The following SEC22A variants were observed in gnomAD, a reference collection of about 807,000 sequenced individuals.
The protein encoded by SEC22A is vesicle-trafficking protein SEC22a.
In SEC22A, 22 loss-of-function variants were observed where a neutral mutation model predicts 35.3. The ratio of observed to expected loss-of-function variants is 0.62; its 90% CI spans 0.45 to 0.89. SEC22A has a LOEUF of 0.89. Ranked by LOEUF, SEC22A falls within the 40% of genes least tolerant of loss-of-function variation. SEC22A has a pLI of 0.00. For missense variants in SEC22A, 354 were observed against 362.5 expected (o/e 0.98, Z 0.19); for synonymous variants, 119 against 129.5 (o/e 0.92, Z 0.55).
At chr3:123,253,210 T>G (rs1937638037) in intron 5 of SEC22A, among the ~76,000 whole-genome samples, 1 of 152,212 alleles carries the variant, frequency 6.6e-6, no homozygotes, top group Non-Finnish European at 1.5e-5. Context: ...TGGGTTATTT[T>G]ACCTTCTTGT....
At chr3:123,240,135 C>T (rs1022783950) in intron 4 of SEC22A, among the ~76,000 whole-genome samples, 6 of 152,184 alleles carry the variant, frequency 3.9e-5, no homozygotes, top group African/African-American at 1.4e-4. Flanking sequence ...AGTTGTTTGC[C>T]ATCACTAGGA....
chr3:123,259,267 G>A (rs558056323), intron 5 of SEC22A, among the ~76,000 whole-genome samples: 3 of 152,062 alleles, frequency 2.0e-5, no homozygotes, highest in African/African-American at 7.3e-5. Flanking sequence ...CTTTTCCCCA[G>A]TGGTTTTCCT....
chr3:123,225,676 TTTA>T (rs1481582414), intron 4 of SEC22A, among the ~76,000 whole-genome samples: 4 of 152,188 alleles, frequency 2.6e-5, no homozygotes, highest in African/African-American at 9.6e-5. Context: ...ACCTCAAGCA[TTTA>T]TTATTTCTTT....
rs141626453 is a variant in SEC22A, at chr3:123,240,493, G to A, written c.542-5406G>A. On this transcript the variant is annotated intron_variant, in intron 4 of 6. Transcript: ENST00000492595. The stretch of plus-strand genomic sequence containing the variant: ...AATTTGTTCCTTTTTATTCCTGAGC[G>A]GTATTCCATTGTATGAATGTACCAC... Among the ~76,000 whole-genome samples the A allele has an allele frequency of 1.2e-4, 18 of 152,236 alleles. No homozygotes were observed. The East Asian group carries it at 2.1e-3, about 18-fold the overall frequency.
At chr3:123,248,995 C>G (rs187839465) in intron 5 of SEC22A, among the ~76,000 whole-genome samples, 30 of 152,294 alleles carry the variant, frequency 2.0e-4, no homozygotes, top group African/African-American at 7.2e-4. Context: ...ATGCTAGTTG[C>G]AAGTTCAGGT....
intron 5 of SEC22A, among the ~76,000 whole-genome samples, chr3:123,258,335 AT>A (rs1315644209): frequency 4.6e-5 from 7 of 152,228 alleles, no homozygotes; most frequent in African/African-American, 1.7e-4. Flanking sequence ...GGTTATATTA[AT>A]TTCTTCTTTG....
intron 5 of SEC22A, among the ~76,000 whole-genome samples, chr3:123,254,630 C>T (rs1201449700): frequency 1.3e-5 from 2 of 152,150 alleles, no homozygotes; most frequent in African/African-American, 4.8e-5. Context: ...AAAAAACAAA[C>T]AATAACAAAA....
chr3:123,256,602 C>T (rs1292632923), intron 5 of SEC22A, among the ~76,000 whole-genome samples: 2 of 152,058 alleles, frequency 1.3e-5, no homozygotes, highest in African/African-American at 4.8e-5. Context: ...TTTCTCTATG[C>T]AGAATTAGAT....
intron 2 of SEC22A, among the ~76,000 whole-genome samples, chr3:123,215,472 CT>C (rs1408168726): frequency 1.3e-5 from 2 of 152,154 alleles, no homozygotes; most frequent in Admixed American, 1.3e-4. Flanking sequence ...TCTTATTTGG[CT>C]AAGACTGCAT....
chr3:123,252,598 A>G (rs1483874494), intron 5 of SEC22A, among the ~76,000 whole-genome samples: 3 of 152,200 alleles, frequency 2.0e-5, no homozygotes, highest in Non-Finnish European at 2.9e-5. Flanking sequence ...TTTTAAAGCC[A>G]TGAATTCTAA....
intron 4 of SEC22A, among the ~76,000 whole-genome samples, chr3:123,239,781 C>CAGAG (rs1937493187): frequency 6.6e-6 from 1 of 152,052 alleles, no homozygotes; most frequent in Admixed American, 6.6e-5. Flanking sequence ...TGTAGGTTGC[C>CAGAG]TGTTCACTCT....
At chr3:123,215,009 T>C (rs1445978719) in intron 2 of SEC22A, among the ~76,000 whole-genome samples, 2 of 152,220 alleles carry the variant, frequency 1.3e-5, no homozygotes, top group African/African-American at 2.4e-5. Flanking sequence ...CTAGCAGTGT[T>C]TCCCTTTCAC....
chr3:123,259,752 G>C (rs1341185580), intron 6 of SEC22A, among the ~76,000 whole-genome samples, 163 bp downstream of exon 6: 1 of 152,114 alleles, frequency 6.6e-6, no homozygotes, highest in Non-Finnish European at 1.5e-5. Flanking sequence ...TCCATTTTGA[G>C]TAGACATACA....
intron 2 of SEC22A, among the ~76,000 whole-genome samples, chr3:123,222,181 A>G (rs1212528143): frequency 6.7e-6 from 1 of 149,834 alleles, no homozygotes; most frequent in African/African-American, 2.5e-5. Flanking sequence ...TAGGTATTGT[A>G]TTTAGTCGTC....
intron 4 of SEC22A, among the ~76,000 whole-genome samples, chr3:123,230,849 T>C (rs1344868580): frequency 6.6e-6 from 1 of 151,948 alleles, no homozygotes; most frequent in African/African-American, 2.4e-5. Context: ...ATATATTAAA[T>C]AATCCAGTCA....
chr3:123,226,114 G>A (rs1249171414), intron 4 of SEC22A, among the ~76,000 whole-genome samples: 1 of 152,182 alleles, frequency 6.6e-6, no homozygotes, highest in Non-Finnish European at 1.5e-5. Flanking sequence ...GGGCACTTAG[G>A]TTGCTTCCAG....
chr3:123,225,038 C>T (rs1404074600), intron 3 of SEC22A, 65 bp from the exon 4 acceptor site: 1 of 1,048,802 alleles, frequency 9.5e-7, no homozygotes, highest in African/African-American at 1.6e-5. Flanking sequence ...TATCCATAAA[C>T]ATCATATTCT....
At chr3:123,214,873 T>C (rs1423756168) in intron 2 of SEC22A, among the ~76,000 whole-genome samples, 1 of 152,232 alleles carries the variant, frequency 6.6e-6, no homozygotes, top group Non-Finnish European at 1.5e-5. Context: ...TGAATTCATT[T>C]GAAGCCGTAT....
At chr3:123,240,163 G>A (rs1248619550) in intron 4 of SEC22A, among the ~76,000 whole-genome samples, 1 of 152,170 alleles carries the variant, frequency 6.6e-6, no homozygotes, top group Non-Finnish European at 1.5e-5. Flanking sequence ...ATCCCTGGGA[G>A]AGGCAGTTCT....
Sources: allele counts gnomAD v4.1 joint callset (sites outside exome capture counted in the v4.1 genomes callset), GRCh38; gene constraint gnomAD v4.1.1; transcripts MANE v1.5; gene names NCBI Gene and HGNC (gene_info 2026-07-23, HGNC 2026-07-21).